CHEK1: variants seen among roughly 807,000 people sequenced by gnomAD.
CHEK1 encodes checkpoint kinase 1.
In CHEK1, 32 loss-of-function variants were observed where a neutral mutation model predicts 60.2. That is an observed-to-expected ratio of 0.53 (90% CI 0.40 to 0.71). CHEK1 has a LOEUF of 0.71. CHEK1 is among the 30% of genes least tolerant of loss of function. The pLI, the probability that CHEK1 is intolerant of heterozygous loss-of-function variation, is 0.00. For synonymous variants in CHEK1, 179 were observed against 187.2 expected, an observed-to-expected ratio of 0.96 and a Z score of 0.36; for missense variants, 399 against 564.6, an observed-to-expected ratio of 0.71 and a Z score of 2.97.
rs57281904 is a variant in CHEK1, at chr11:125,631,861, C to CAA, written c.425-1276_425-1275dup. Among the ~76,000 whole-genome samples, 151 of 51,368 alleles carry CAA rather than the reference C, an allele frequency of 2.9e-3. 2 individuals carry two copies. Among genetic ancestry groups the CAA allele is most frequent in the Non-Finnish European group, 3.8e-3 (116 of 30,600 alleles). 33.7% of individuals were successfully genotyped at this position (51,368 alleles called of 152,430 possible). A position where few individuals can be genotyped will look rare whatever the true frequency, so the allele number is the denominator to read the frequency against. On this transcript the variant is annotated intron_variant, in intron 5 of 12. Transcript: ENST00000438015. ...TGGGCAGCAGAGTGAGACACTTTCTCAAAAAAAAAAAAAAAAAAAAAAAAA... is the reference window on the plus strand; with the variant it reads ...TGGGCAGCAGAGTGAGACACTTTCTCAAAAAAAAAAAAAAAAAAAAAAAAAAA...
chr11:125,653,930 G>T lies in CHEK1; in HGVS notation c.1335+83G>T. On this transcript the variant is annotated intron_variant, in intron 12 of 12. Transcript: ENST00000438015. The surrounding 1 kb of genome is among the most constrained non-coding windows in gnomAD (Gnocchi z 4.3). ...AATGGCATTATGTTTGTATATATGT[G>T]GCATTTGTAAATAGGTTACTTGCTT... 2.7e-6 allele frequency: 2 copies of T among 728,034 alleles called. No individual in the cohort carries two copies. Among genetic ancestry groups the T allele is most frequent in the Admixed American group, 3.0e-5 (1 of 33,508 alleles). The allele number at this position is 728,034 out of a possible 1,614,324, so 45.1% of individuals were successfully genotyped here. A position where few individuals can be genotyped will look rare whatever the true frequency, so the allele number is the denominator to read the frequency against.
chr11:125,627,740 G>A lies in CHEK1; in HGVS notation c.199G>A (p.Val67Ile), dbSNP rs767992502. Reference sequence around the variant, plus strand: ...CAATAAAATGCTAAATCATGAAAATGTAGTAAAATTCTATGGTCACAGGAG... The same window carrying A: ...CAATAAAATGCTAAATCATGAAAATATAGTAAAATTCTATGGTCACAGGAG... ...CINKMLNHENVVKFYGHRREG... is the reference protein window; with the variant it reads ...CINKMLNHENIVKFYGHRREG... The change falls in exon 3 of 13, where the codon GTA (valine) becomes ATA (isoleucine). Residue 67 changes from valine (V) to isoleucine (I), a missense_variant. By Grantham distance (29) the Val-to-Ile change is conservative (BLOSUM62 3). This residue lies in a region of CHEK1 where 370 missense variants were observed against 494.8 expected (regional missense o/e 0.75). Transcript: ENST00000438015. 2.5e-6 allele frequency: 4 copies of A among 1,613,676 alleles called. No homozygotes were observed. Among genetic ancestry groups the A allele is most frequent in the East Asian group, 4.5e-5 (2 of 44,838 alleles).
At chr11:125,641,039 A>G (rs553202332) in intron 8 of CHEK1, among the ~76,000 whole-genome samples, 74 of 152,168 alleles carry the variant, frequency 4.9e-4, no homozygotes, top group Non-Finnish European at 1.0e-3. Flanking sequence ...TTCACGTTCC[A>G]TGTGCTACCT....
intron 13 of CHEK1, among the ~76,000 whole-genome samples, chr11:125,670,656 G>A (rs572178400): frequency 6.6e-6 from 1 of 152,150 alleles, no homozygotes; most frequent in East Asian, 1.9e-4. Context: ...CTTATTTTCA[G>A]GAGTACCCCC....
intron 13 of CHEK1, among the ~76,000 whole-genome samples, chr11:125,668,459 TG>T (rs1942138146): frequency 6.6e-6 from 1 of 152,214 alleles, no homozygotes; most frequent in South Asian, 2.1e-4. Flanking sequence ...CCATTTTTTT[TG>T]TTTAACATTT....
Position 125,635,517 on chromosome 11 carries a change from C to G in CHEK1, c.702C>G (p.Ile234Met), listed in dbSNP as rs1011779266. 6.2e-7 allele frequency: 1 copy of G among 1,601,790 alleles called. No individual in the cohort carries two copies. Among genetic ancestry groups the G allele is most frequent in the Admixed American group, 1.7e-5 (1 of 58,686 alleles). Residue 234 changes from isoleucine (I) to methionine (M), a missense_variant, in exon 7 of 13, where the codon ATC becomes ATG. Coordinates refer to ENST00000438015, the MANE Select transcript of CHEK1 (RefSeq NM_001114122.3). ...KKTYLNPWKK[I>M]DSAPLALLHK... ...CATACCTCAACCCTTGGAAAAAAAT[C>G]GATTCTGCTCCTCTAGGTAACTGAA...
At chr11:125,675,872 G>C (rs1299104972) in intron 13 of CHEK1, 1 of 156,480 alleles carries the variant, frequency 6.4e-6, no homozygotes, top group Non-Finnish European at 1.4e-5. Context: ...ATCAGTACCT[G>C]GTGGTAGAAT....
At chr11:125,644,364 T>C in intron 10 of CHEK1, 96 bp downstream of exon 10, 4 of 1,460,240 alleles carry the variant, frequency 2.7e-6, no homozygotes, top group South Asian at 1.4e-5. Context: ...TATATAACTT[T>C]TAAATCACAT....
Position 125,644,515 on chromosome 11 carries a change from C to A in CHEK1, c.1105C>A (p.Pro369Thr). Residue 369 changes from proline to threonine, a missense_variant, in exon 11 of 13, where the codon CCC (proline) becomes ACC (threonine). Transcript: ENST00000438015. Reference protein sequence around the residue: ...LLGTPGSSQNPWQRLVKRMTR... With the variant: ...LLGTPGSSQNTWQRLVKRMTR... ...TTGTCTTCTGTTTGACATGTAGAAC[C>A]CCTGGCAGCGGTTGGTCAAAAGAAT... is the stretch of plus-strand genomic sequence containing the variant. 1 of 1,613,522 alleles carries A rather than the reference C, an allele frequency of 6.2e-7. No homozygotes were observed. The highest frequency in any genetic ancestry group is 8.5e-7 in the Non-Finnish European group (1 of 1,179,840).
chr11:125,660,386 GTTCTCATTTTT>G (rs1941990117), downstream of CHEK1, among the ~76,000 whole-genome samples: 1 of 151,926 alleles, frequency 6.6e-6, no homozygotes, highest in African/African-American at 2.4e-5. Context: ...TTTACTTGTG[GTTCTCATTTTT>G]TTCTTTTTTT....
chr11:125,654,112 C>T (rs560087), intron 12 of CHEK1, among the ~76,000 whole-genome samples: 48,244 of 150,882 alleles, frequency 0.32, 7,944 homozygotes, highest in East Asian at 0.43. Flanking sequence ...GGGTGGATCT[C>T]GAGGTCAGGA....
At position 125,629,376 on chromosome 11, in the gene CHEK1, C is replaced by T. The variant is rs2135978525; in HGVS notation, c.355-15C>T. Reference sequence around the variant, plus strand: ...TTACCAAATTCTAGTGTGTTTCTCTCTGCATCCCTCTTAGGTTTATCTGCA... The same window carrying T: ...TTACCAAATTCTAGTGTGTTTCTCTTTGCATCCCTCTTAGGTTTATCTGCA... On this transcript the variant is annotated splice_polypyrimidine_tract_variant and intron_variant, in intron 4 of 12. Transcript: ENST00000438015. 2 of 1,613,414 alleles carry T rather than the reference C, an allele frequency of 1.2e-6. No individual in the cohort carries two copies. The highest frequency in any genetic ancestry group is 8.5e-7 in the Non-Finnish European group (1 of 1,179,436).
At chr11:125,678,996 A>ATATATATATATATATATATATATATATG (rs917003699), downstream of CHEK1, among the ~76,000 whole-genome samples, 1 of 143,062 alleles carries the variant, frequency 7.0e-6, no homozygotes, top group African/African-American at 2.6e-5. Context: ...ATATATATAT[A>ATATATATATATATATATATATATATATG]TAGACACACA....
In CHEK1 at chr11:125,625,697, C is replaced by G; in HGVS notation, c.-336C>G. Reference sequence around the variant, plus strand: ...GGCTTCCCCCAGCAGCGCTCGAGCACCGCCCAGTCGAGCCTCACACCGGAT... The same window carrying G: ...GGCTTCCCCCAGCAGCGCTCGAGCAGCGCCCAGTCGAGCCTCACACCGGAT... On this transcript the variant is annotated 5_prime_UTR_variant, in exon 1 of 13. Transcript: ENST00000438015. The G allele has an allele frequency of 1.6e-6, 1 of 633,684 alleles. No individual in the cohort carries two copies. Among genetic ancestry groups the G allele is most frequent in the Non-Finnish European group, 2.9e-6 (1 of 345,758 alleles). The allele number at this position is 633,684 out of a possible 1,614,324, so 39.3% of individuals were successfully genotyped here. A position where few individuals can be genotyped will look rare whatever the true frequency, so the allele number is the denominator to read the frequency against.
At chr11:125,630,495 G>A (rs539028742) in intron 5 of CHEK1, among the ~76,000 whole-genome samples, 72 of 151,970 alleles carry the variant, frequency 4.7e-4, no homozygotes, top group Non-Finnish European at 8.7e-4. Context: ...ATTTTTAGTA[G>A]AGATGGGGTT....
At chr11:125,648,327 A>G (rs1452714924) in intron 11 of CHEK1, among the ~76,000 whole-genome samples, 1 of 152,170 alleles carries the variant, frequency 6.6e-6, no homozygotes, top group Non-Finnish European at 1.5e-5. Flanking sequence ...TCACGCCTGT[A>G]ATCCCAGCAC....
At chr11:125,666,239 AT>A (rs921130377) in intron 13 of CHEK1, among the ~76,000 whole-genome samples, 32 of 144,784 alleles carry the variant, frequency 2.2e-4, no homozygotes, top group South Asian at 4.3e-4. Context: ...TTTACTTCTA[AT>A]TTTTTTTTTC....
At chr11:125,674,173 A>G (rs764841939) in intron 13 of CHEK1, among the ~76,000 whole-genome samples, 2 of 152,334 alleles carry the variant, frequency 1.3e-5, no homozygotes, top group South Asian at 2.1e-4. Flanking sequence ...GTAAGGAACT[A>G]TGCTAGACTC....
At chr11:125,665,869 C>CTTTTTTTTTTTTTTTTT (rs66560397) in intron 13 of CHEK1, among the ~76,000 whole-genome samples, 1 of 30,514 alleles carries the variant, frequency 3.3e-5, no homozygotes, top group Admixed American at 3.9e-4. Context: ...CTTCATTCCC[C>CTTTTTTTTTTTTTTTTT]TTTTTTTTTT....
Sources: gnomAD v4.1 joint callset for allele counts (sites outside exome capture counted in the v4.1 genomes callset) on GRCh38, gnomAD v4.1.1 for gene constraint, gnomAD v4.1.1 regional missense constraint, Gnocchi (gnomAD v3.1) non-coding constraint, MANE v1.5 for transcripts, NCBI Gene and HGNC (gene_info 2026-07-23, HGNC 2026-07-21) for gene names.